PLXND1: variants seen among roughly 807,000 people sequenced by gnomAD.
PLXND1 encodes the protein plexin-D1.
Under a neutral mutation model 197.7 loss-of-function variants are expected in PLXND1, and 54 were observed. The observed-to-expected ratio is 0.27, with a 90% CI of 0.22 to 0.34. The LOEUF (loss-of-function observed/expected upper bound fraction) is 0.34, where lower values mean the gene tolerates loss of function less well. Ranked by LOEUF, PLXND1 falls within the 10% of genes least tolerant of loss-of-function variation. The pLI is 1.00. For synonymous variants in PLXND1, 1,180 were observed against 1,161.2 expected (o/e 1.02, Z -0.33); for missense variants, 2,127 against 2,699.2 (o/e 0.79, Z 4.70).
intron 5 of PLXND1, 134 bp from the exon 6 acceptor site, chr3:129,584,696 C>G: frequency 1.3e-6 from 1 of 787,260 alleles, no homozygotes; most frequent in South Asian, 1.8e-5. Context: ...GGCCAGGACT[C>G]AGGGCCAGAG....
chr3:129,592,628 C>A (rs1430247924), intron 1 of PLXND1, among the ~76,000 whole-genome samples: 1 of 152,154 alleles, frequency 6.6e-6, no homozygotes, highest in Admixed American at 6.5e-5. Context: ...CTCCCCCACC[C>A]CGCGCTGACT....
chr3:129,575,175 G>T (rs766102493), intron 11 of PLXND1, among the ~76,000 whole-genome samples: 16 of 152,348 alleles, frequency 1.1e-4, no homozygotes, highest in Non-Finnish European at 2.1e-4. Flanking sequence ...CACGCTCAAG[G>T]TTGGGCGAGC....
At position 129,578,429 on chromosome 3, in the gene PLXND1, G is replaced by T; in HGVS notation, c.2246C>A (p.Pro749His). 1 of 1,582,864 alleles carries T rather than the reference G, an allele frequency of 6.3e-7. No homozygotes were observed. The highest frequency in any genetic ancestry group is 8.6e-7 in the Non-Finnish European group (1 of 1,163,466). ...RCEASPNPTS[P>H]QDCPRTLLSP... is the part of the protein sequence containing the mutation. ...GAGCAGGGTCCGGGGGCAGTCCTGA[G>T]GGCTCTGCAGAGGAAACAGAAGGAG... Residue 749 changes from proline to histidine, a missense_variant, in exon 9 of 36, where the codon CCT becomes CAT. Coordinates refer to ENST00000324093, the MANE Select transcript of PLXND1 (RefSeq NM_015103.3).
intron 22 of PLXND1, 97 bp from the exon 23 acceptor site, chr3:129,566,728 TG>T: frequency 1.5e-6 from 1 of 688,132 alleles, no homozygotes; most frequent in Non-Finnish European, 2.5e-6. Context: ...CTTGGGCTGC[TG>T]GGGGAAACTG....
chr3:129,561,968 G>T (rs2108765431), intron 27 of PLXND1, 65 bp from the exon 28 acceptor site: 3 of 1,080,412 alleles, frequency 2.8e-6, no homozygotes, highest in African/African-American at 1.5e-5. Flanking sequence ...GTAGGTACCG[G>T]CCCAGCCACA....
At chr3:129,588,547 G>A (rs2085493144) in intron 2 of PLXND1, among the ~76,000 whole-genome samples, 2 of 152,242 alleles carry the variant, frequency 1.3e-5, no homozygotes, top group East Asian at 1.9e-4. Flanking sequence ...CAGCGGTGGG[G>A]TCCTGGGACT....
intron 21 of PLXND1, 21 bp downstream of exon 21, chr3:129,567,677 T>C: frequency 6.3e-7 from 1 of 1,585,804 alleles, no homozygotes; most frequent in Non-Finnish European, 8.7e-7. Context: ...GGCCCAGCCC[T>C]GCAGGGTCCC....
Position 129,585,997 on chromosome 3 carries a change from G to A in PLXND1, c.1806C>T (p.Ala602=), listed in dbSNP as rs1409946243. ...SASEGPSRCP[A]MTVLPSEIDV... is the part of the protein sequence containing the mutation. Reference sequence around the variant, plus strand: ...CGATCTCGGAAGGCAGGACGGTCATGGCAGGACAGCGGCTGGGGCCCTCGC... The same window carrying A: ...CGATCTCGGAAGGCAGGACGGTCATAGCAGGACAGCGGCTGGGGCCCTCGC... Residue 602 remains alanine, a synonymous_variant, in exon 5 of 36, where the codon GCC becomes GCT. Coordinates refer to ENST00000324093, the MANE Select transcript of PLXND1 (RefSeq NM_015103.3). The A allele has an allele frequency of 6.2e-7, 1 of 1,614,060 alleles. No homozygotes were observed. Among genetic ancestry groups the A allele is most frequent in the Non-Finnish European group, 8.5e-7 (1 of 1,180,022 alleles).
intron 8 of PLXND1, among the ~76,000 whole-genome samples, chr3:129,583,157 C>T (rs191710278): frequency 6.6e-6 from 1 of 152,350 alleles, no homozygotes. Flanking sequence ...ATCACCTCCA[C>T]AGGCCTTGAG....
intron 1 of PLXND1, among the ~76,000 whole-genome samples, chr3:129,600,302 C>T (rs1026009952): frequency 6.6e-6 from 1 of 152,218 alleles, no homozygotes; most frequent in African/African-American, 2.4e-5. Flanking sequence ...TCCACTGAGG[C>T]CAGTTTTTTC....
intron 1 of PLXND1, among the ~76,000 whole-genome samples, chr3:129,592,829 G>A (rs983206510): frequency 6.6e-6 from 1 of 152,216 alleles, no homozygotes; most frequent in African/African-American, 2.4e-5. Context: ...AAGGCAAACC[G>A]GCTCAAACAC....
chr3:129,576,840 T>A (rs2085321104), intron 9 of PLXND1, among the ~76,000 whole-genome samples: 1 of 152,152 alleles, frequency 6.6e-6, no homozygotes, highest in Admixed American at 6.5e-5. Context: ...CCAATAATGT[T>A]TGTGTCATGA....
At chr3:129,580,840 C>T (rs1411366663) in intron 8 of PLXND1, among the ~76,000 whole-genome samples, 1 of 151,756 alleles carries the variant, frequency 6.6e-6, no homozygotes, top group Non-Finnish European at 1.5e-5. Context: ...CCCCCAGGGA[C>T]CCCCACAATT....
At position 129,571,718 on chromosome 3, in the gene PLXND1, G is replaced by A. The variant is rs1450644792; in HGVS notation, c.3204C>T (p.Asn1068=). Residue 1068 remains asparagine (N), a synonymous_variant, in exon 16 of 36, where the codon AAC becomes AAT. Transcript: ENST00000324093. ...GGGGACTGATGGCCGTGATGACCGG[G>A]TTCTGCATGTACCAGAAGGTGAGGT... ...HGNLTFWYMQ[N]PVITAISPRR... The A allele has an allele frequency of 4.3e-6, 7 of 1,613,798 alleles. No homozygotes were observed. The highest frequency in any genetic ancestry group is 2.7e-5 in the African/African-American group (2 of 75,044).
chr3:129,560,220 C>T, intron 31 of PLXND1, 110 bp downstream of exon 31: 2 of 691,868 alleles, frequency 2.9e-6, no homozygotes, highest in African/African-American at 1.8e-5. Flanking sequence ...GAAGAACTCA[C>T]ACCCCTCTCC....
chr3:129,575,043 G>A (rs1443420587), intron 11 of PLXND1, among the ~76,000 whole-genome samples: 3 of 152,170 alleles, frequency 2.0e-5, no homozygotes, highest in African/African-American at 4.8e-5. Context: ...AGGGCACCAC[G>A]TCCACCAGGG....
intron 1 of PLXND1, among the ~76,000 whole-genome samples, chr3:129,600,485 A>AT (rs1452672267): frequency 6.6e-6 from 1 of 152,148 alleles, no homozygotes; most frequent in Middle Eastern, 3.2e-3. Flanking sequence ...GGAGGGAGGC[A>AT]TAAGACCTGT....
At chr3:129,560,300 G>A (rs1186727353) in intron 31 of PLXND1, 30 bp downstream of exon 31, 23 of 1,393,478 alleles carry the variant, frequency 1.7e-5, no homozygotes, top group Non-Finnish European at 2.1e-5. Context: ...TGTACCCACT[G>A]CACAGAGGGG....
chr3:129,604,399 C>T (rs1483416980), intron 1 of PLXND1, among the ~76,000 whole-genome samples: 1 of 152,262 alleles, frequency 6.6e-6, no homozygotes, highest in African/African-American at 2.4e-5. Flanking sequence ...TTCAAATCCA[C>T]CTCTGCTAGT....
Sources: gnomAD v4.1 joint callset for allele counts (sites outside exome capture counted in the v4.1 genomes callset) on GRCh38, gnomAD v4.1.1 for gene constraint, MANE v1.5 for transcripts, NCBI Gene and HGNC (gene_info 2026-07-23, HGNC 2026-07-21) for gene names.